Variants in MEMO1 observed in about 807,000 individuals in gnomAD.
MEMO1 encodes the protein protein MEMO1.
In MEMO1, 6 loss-of-function variants were observed where a neutral mutation model predicts 45.2. The ratio of observed to expected loss-of-function variants is 0.13; its 90% CI spans 0.07 to 0.26. The LOEUF is 0.26. Ranked by LOEUF, MEMO1 falls within the 10% of genes least tolerant of loss-of-function variation. MEMO1 has a pLI of 1.00. For missense variants in MEMO1, 184 were observed against 370.5 expected (o/e 0.50, Z 4.13); for synonymous variants, 78 against 124.3 (o/e 0.63, Z 2.48).
chr2:31,962,322 C>T (rs758720622), intron 2 of MEMO1, among the ~76,000 whole-genome samples: 5 of 151,908 alleles, frequency 3.3e-5, no homozygotes, highest in Non-Finnish European at 7.4e-5. Flanking sequence ...CTGGGGAAGT[C>T]GAGGCTGCAG....
chr2:31,998,033 G>T (rs1020375612), intron 2 of MEMO1, among the ~76,000 whole-genome samples: 1 of 152,042 alleles, frequency 6.6e-6, no homozygotes, highest in Non-Finnish European at 1.5e-5. Context: ...TTTTGAGACA[G>T]AATCTCACTC....
chr2:31,948,574 C>A (rs544575217), intron 2 of MEMO1, among the ~76,000 whole-genome samples: 1 of 152,100 alleles, frequency 6.6e-6, no homozygotes, highest in African/African-American at 2.4e-5. Context: ...TTTTAAACAG[C>A]GGTTCCTGGA....
intron 2 of MEMO1, among the ~76,000 whole-genome samples, chr2:31,962,811 AG>A (rs1668176940): frequency 1.3e-5 from 2 of 152,194 alleles, no homozygotes; most frequent in African/African-American, 4.8e-5. Context: ...ACTGGACCAG[AG>A]GGTGCCCAGA....
At chr2:31,905,094 G>A (rs926291748) in intron 6 of MEMO1, among the ~76,000 whole-genome samples, 1 of 152,018 alleles carries the variant, frequency 6.6e-6, no homozygotes, top group East Asian at 1.9e-4. Flanking sequence ...ATTGGCCAGG[G>A]GTGGGGGTGC....
In MEMO1 at chr2:31,962,200, C is replaced by T. The variant is rs547273628; in HGVS notation, c.62-18817G>A. Among the ~76,000 whole-genome samples, 15 of 152,252 alleles carry T rather than the reference C, an allele frequency of 9.9e-5. No individual in the cohort carries two copies. In the East Asian group the frequency reaches 2.9e-3, roughly 29 times the overall value. Reference sequence around the variant, plus strand: ...AGGAGGTCGAGACCAGCCTGGGCAACACAGTGGTGAAACCCCATCTCTACT... The same window carrying T: ...AGGAGGTCGAGACCAGCCTGGGCAATACAGTGGTGAAACCCCATCTCTACT... On this transcript the variant is annotated intron_variant, in intron 2 of 9. Coordinates refer to ENST00000404530, the MANE Select transcript of MEMO1 (RefSeq NM_001301833.4).
intron 8 of MEMO1, among the ~76,000 whole-genome samples, chr2:31,871,381 C>T (rs7589874): frequency 0.97 from 147,179 of 152,254 alleles, 71,204 homozygotes; most frequent in Middle Eastern, 1. Flanking sequence ...TGGAAAATGA[C>T]AGCAATCAGT....
At chr2:32,001,917 G>A (rs71446036) in intron 2 of MEMO1, among the ~76,000 whole-genome samples, 43,470 of 150,776 alleles carry the variant, frequency 0.29, 6,515 homozygotes, top group East Asian at 0.54. Flanking sequence ...GGAGGCCAAG[G>A]AGGGTGGATC....
At chr2:31,984,879 G>A (rs773295378) in intron 2 of MEMO1, among the ~76,000 whole-genome samples, 2 of 152,166 alleles carry the variant, frequency 1.3e-5, no homozygotes, top group African/African-American at 2.4e-5. Flanking sequence ...AAAATCTGGA[G>A]TTAATTGTAC....
rs185353907 is a variant in MEMO1, at chr2:31,916,263, C to T, written c.437+1663G>A. Among the ~76,000 whole-genome samples the T allele has an allele frequency of 2.8e-4, 42 of 152,280 alleles. 1 individual carries two copies. Among genetic ancestry groups the T allele is most frequent in the Admixed American group, 2.4e-3 (37 of 15,292 alleles). On this transcript the variant is annotated intron_variant, in intron 6 of 9. Coordinates refer to ENST00000404530, the MANE Select transcript of MEMO1 (RefSeq NM_001301833.4). The stretch of plus-strand genomic sequence containing the variant: ...TGTTTGTTTGAGACAGGTTCTCACT[C>T]TGTCACCTAGGCTGGAGTGCAGTGC...
At position 31,956,339 on chromosome 2, in the gene MEMO1, T is replaced by TGA. The variant is rs1177813332; in HGVS notation, c.62-12958_62-12957dup. Among the ~76,000 whole-genome samples, 14 of 149,156 alleles carry TGA rather than the reference T, an allele frequency of 9.4e-5. No individual in the cohort carries two copies. In the East Asian group the frequency reaches 1.7e-3, roughly 19 times the overall value. On this transcript the variant is annotated intron_variant, in intron 2 of 9. Coordinates refer to ENST00000404530, the MANE Select transcript of MEMO1 (RefSeq NM_001301833.4). ...GGTAGCACTTCTTATGCAATTTCTT[T>TGA]GAAAAAAAAAAAAAGGAGTTTCTTA...
At chr2:31,884,897 T>A (rs932068268) in intron 7 of MEMO1, among the ~76,000 whole-genome samples, 1 of 152,070 alleles carries the variant, frequency 6.6e-6, no homozygotes, top group Admixed American at 6.6e-5. Context: ...GATTACTGCA[T>A]GTTACCTTAG....
intron 2 of MEMO1, among the ~76,000 whole-genome samples, chr2:31,973,456 G>C (rs1418604995): frequency 6.6e-6 from 1 of 150,696 alleles, no homozygotes; most frequent in Admixed American, 6.6e-5. Context: ...TCTGTCTCGG[G>C]AAGAGAAAAA....
chr2:31,957,894 T>C (rs1380868808), intron 2 of MEMO1, among the ~76,000 whole-genome samples: 1 of 152,238 alleles, frequency 6.6e-6, no homozygotes, highest in African/African-American at 2.4e-5. Context: ...TTGTGGCATG[T>C]TGAGGTCTGT....
chr2:31,937,080 G>A (rs1240001113), intron 3 of MEMO1, among the ~76,000 whole-genome samples: 1 of 152,176 alleles, frequency 6.6e-6, no homozygotes, highest in Admixed American at 6.5e-5. Context: ...ATTTGCAAAT[G>A]CAGCAGCTTC....
At chr2:31,977,444 A>T (rs1670133938) in intron 2 of MEMO1, among the ~76,000 whole-genome samples, 1 of 152,140 alleles carries the variant, frequency 6.6e-6, no homozygotes, top group Non-Finnish European at 1.5e-5. Context: ...GGAAAACAAC[A>T]TCTTTAATTT....
intron 3 of MEMO1, among the ~76,000 whole-genome samples, chr2:31,937,034 G>T (rs1664994638): frequency 6.6e-6 from 1 of 152,188 alleles, no homozygotes; most frequent in African/African-American, 2.4e-5. Context: ...CCTCTGAACA[G>T]ATGGGATCAA....
chr2:31,882,478 C>T (rs1244004922), intron 8 of MEMO1, among the ~76,000 whole-genome samples: 2 of 151,616 alleles, frequency 1.3e-5, no homozygotes. Context: ...AATATTAATT[C>T]CACTGAATTT....
chr2:31,929,102 A>C (rs1381356778), intron 4 of MEMO1, among the ~76,000 whole-genome samples: 1 of 152,168 alleles, frequency 6.6e-6, no homozygotes, highest in Non-Finnish European at 1.5e-5. Context: ...CCAGTTCTGG[A>C]TTACAGGAAT....
At chr2:31,933,354 TATATATA>T (rs1558514426) in intron 3 of MEMO1, among the ~76,000 whole-genome samples, 4 of 17,160 alleles carry the variant, frequency 2.3e-4, no homozygotes, top group East Asian at 1.7e-3. Flanking sequence ...AAAAAATTTA[TATATATA>T]TATATATATA....
Sources: gnomAD v4.1 joint callset for allele counts (sites outside exome capture counted in the v4.1 genomes callset) on GRCh38, gnomAD v4.1.1 for gene constraint, MANE v1.5 for transcripts, NCBI Gene and HGNC (gene_info 2026-07-23, HGNC 2026-07-21) for gene names.